The following PLEKHB1 variants were observed in gnomAD, a reference collection of about 807,000 sequenced individuals.
PLEKHB1 encodes the protein pleckstrin homology domain containing B1, also known as pleckstrin homology domain-containing family B member 1.
Under a neutral mutation model 36.2 loss-of-function variants are expected in PLEKHB1, and 29 were observed. The observed-to-expected ratio is 0.80, with a 90% CI of 0.60 to 1.09. PLEKHB1 has a LOEUF of 1.09. Among genes scored for constraint, PLEKHB1 ranks in the 50% least tolerant of loss-of-function variants. PLEKHB1 has a pLI of 0.00. For synonymous variants in PLEKHB1, 138 were observed against 140.0 expected (o/e 0.99, Z 0.10); for missense variants, 330 against 348.2 (o/e 0.95, Z 0.42).
rs1945085572 is a variant in PLEKHB1 at position 73,660,619 on chromosome 11, G to T, written c.496-134G>T. 4 of 778,970 alleles carry T rather than the reference G, an allele frequency of 5.1e-6. No individual in the cohort carries two copies. The Admixed American group carries it at 9.9e-5, about 19-fold the overall frequency. The allele number at this position is 778,970 out of a possible 1,614,324, so 48.3% of individuals were successfully genotyped here. On this transcript the variant is annotated intron_variant, in intron 6 of 7. Coordinates refer to ENST00000354190, the MANE Select transcript of PLEKHB1 (RefSeq NM_021200.3). ...AGGGCCTTTCTCCAAGAGCTTGCTA[G>T]TGGCTGGAGGCCCATTTCTAAACTT...
intron 1 of PLEKHB1, 62 bp from the exon 2 acceptor site, chr11:73,648,950 C>T: frequency 3.2e-6 from 5 of 1,547,056 alleles, no homozygotes; most frequent in Non-Finnish European, 4.4e-6. Context: ...GACGGCAGGG[C>T]TGGGGGCTTC....
chr11:73,652,865 TGA>T, intron 4 of PLEKHB1, 108 bp from the exon 5 acceptor site: 3 of 898,974 alleles, frequency 3.3e-6, no homozygotes, highest in South Asian at 1.7e-5. Context: ...TCTCCTTTCA[TGA>T]GAGACTTGGG....
chr11:73,654,946 T>C (rs1944963531), intron 5 of PLEKHB1, among the ~76,000 whole-genome samples: 1 of 152,084 alleles, frequency 6.6e-6, no homozygotes, highest in South Asian at 2.1e-4. Context: ...GGCTTCCAAG[T>C]GGCGGGTGAA....
chr11:73,658,656 G>T (rs1331634634), intron 6 of PLEKHB1, among the ~76,000 whole-genome samples: 9 of 151,896 alleles, frequency 5.9e-5, no homozygotes, highest in Admixed American at 5.9e-4. Flanking sequence ...TCCCTCTGTT[G>T]CCCAGGCTGG....
intron 5 of PLEKHB1, among the ~76,000 whole-genome samples, chr11:73,654,015 G>A (rs1001520324): frequency 8.3e-6 from 1 of 120,812 alleles, no homozygotes; most frequent in Non-Finnish European, 1.8e-5. Flanking sequence ...ATGAAATTTT[G>A]TTGTAGAAAA....
intron 2 of PLEKHB1, among the ~76,000 whole-genome samples, chr11:73,649,895 C>T (rs1390045284): frequency 5.3e-5 from 8 of 152,332 alleles, no homozygotes; most frequent in African/African-American, 1.9e-4. Context: ...ATAACCATCA[C>T]ACAAGTCAGA....
In PLEKHB1 at chr11:73,660,799, C is replaced by A; in HGVS notation, c.542C>A (p.Pro181His). ...PYQDYYEVVP[P>H]NAHEATYVRS... ...CAAGACTACTACGAGGTGGTGCCCC[C>A]CAATGCACACGAGGCCACGTATGTC... The change falls in exon 7 of 8, where the codon CCC (proline) becomes CAC (histidine). Residue 181 changes from proline (P) to histidine (H), a missense_variant. Transcript: ENST00000354190. The A allele has an allele frequency of 1.2e-6, 2 of 1,602,802 alleles. No homozygotes were observed. The highest frequency in any genetic ancestry group is 8.5e-7 in the Non-Finnish European group (1 of 1,175,790).
rs35147175 is a variant in PLEKHB1, at chr11:73,651,353, C to CAA, written c.248-419_248-418dup. 7.3e-3 allele frequency: 2,620 copies of CAA among 358,580 alleles called. 13 individuals carry two copies. The highest frequency in any genetic ancestry group is 0.027 in the African/African-American group (981 of 36,842). The allele number at this position is 358,580 out of a possible 1,614,324, so 22.2% of individuals were successfully genotyped here. The stretch of plus-strand genomic sequence containing the variant: ...TGGGGGACAGAGCTAGACCCTGTCT[C>CAA]AAAAAAAAAAAAAAAAAGAAAAAGA... On this transcript the variant is annotated intron_variant, in intron 3 of 7. Transcript: ENST00000354190.
chr11:73,648,157 G>A (rs1366626407), intron 1 of PLEKHB1: 1 of 188,956 alleles, frequency 5.3e-6, no homozygotes, highest in African/African-American at 2.4e-5. Flanking sequence ...GATCTTTGAA[G>A]AGTATCAGGG....
In PLEKHB1 at chr11:73,646,592, C is replaced by G; in HGVS notation, c.-17C>G. 1 of 1,551,574 alleles carries G rather than the reference C, an allele frequency of 6.4e-7. No homozygotes were observed. The highest frequency in any genetic ancestry group is 8.7e-7 in the Non-Finnish European group (1 of 1,146,976). ...CGGGAGCCTTCTGGGAAATGCTGCC[C>G]TGGCCACCCAGGAACCATGAGCCCT... On this transcript the variant is annotated 5_prime_UTR_variant, in exon 1 of 8. Transcript: ENST00000354190.
Position 73,651,502 on chromosome 11 carries a change from G to A in PLEKHB1, c.248-286G>A, listed in dbSNP as rs1023464365. On this transcript the variant is annotated intron_variant, in intron 3 of 7. Transcript: ENST00000354190. The stretch of plus-strand genomic sequence containing the variant: ...ATGAAATTAGGAGGCCCAGAGAAGC[G>A]AAGTGGCCCAGAGTCACAGCAAATC... The A allele has an allele frequency of 6.3e-5, 38 of 606,918 alleles. 1 individual carries two copies. The highest frequency in any genetic ancestry group is 1.2e-4 in the South Asian group (8 of 65,890). The allele number at this position is 606,918 out of a possible 1,614,324, so 37.6% of individuals were successfully genotyped here.
At chr11:73,650,422 G>A (rs532743266) in intron 2 of PLEKHB1, 131 bp from the exon 3 acceptor site, 2 of 1,017,212 alleles carry the variant, frequency 2.0e-6, no homozygotes, top group African/African-American at 1.6e-5. Context: ...CCTCATTTCA[G>A]GGGGTAGACA....
chr11:73,655,891 T>G lies in PLEKHB1; in HGVS notation c.479T>G (p.Val160Gly), dbSNP rs780638752. Residue 160 changes from valine to glycine, a missense_variant, in exon 6 of 8, where the codon GTT becomes GGT. Coordinates refer to ENST00000354190, the MANE Select transcript of PLEKHB1 (RefSeq NM_021200.3). ...ACCCGCTCGTGGAGCCCCTGTAAGG[T>G]TGAGAGGCGGATCTGGGTAAGTGCT... ...CVTRSWSPCKVERRIWVRVYS... is the reference protein window; with the variant it reads ...CVTRSWSPCKGERRIWVRVYS... 1 of 1,613,780 alleles carries G rather than the reference T, an allele frequency of 6.2e-7. No homozygotes were observed. Among genetic ancestry groups the G allele is most frequent in the South Asian group, 1.1e-5 (1 of 91,082 alleles).
intron 4 of PLEKHB1, 30 bp from the exon 5 acceptor site, chr11:73,652,945 C>T: frequency 6.3e-7 from 1 of 1,594,442 alleles, no homozygotes. Flanking sequence ...CAAACTCCCT[C>T]CTCATGGTCT....
At chr11:73,648,443 C>T (rs116998574) in intron 1 of PLEKHB1, among the ~76,000 whole-genome samples, 4,698 of 152,276 alleles carry the variant, frequency 0.031, 109 homozygotes, top group Admixed American at 0.042. Flanking sequence ...GGACAGAGTG[C>T]TCGGTCCATC....
chr11:73,655,683 G>A, intron 5 of PLEKHB1, 120 bp from the exon 6 acceptor site: 2 of 785,802 alleles, frequency 2.5e-6, no homozygotes, highest in Middle Eastern at 2.3e-4. Context: ...CCCTGCCACA[G>A]CCCAGCTGGC....
intron 5 of PLEKHB1, 65 bp from the exon 6 acceptor site, chr11:73,655,738 G>A: frequency 2.1e-6 from 3 of 1,409,174 alleles, no homozygotes; most frequent in Non-Finnish European, 2.0e-6. Flanking sequence ...AGTCTCTTTA[G>A]GTGTAGAGGG....
At chr11:73,653,316 A>T in intron 5 of PLEKHB1, 1 of 645,962 alleles carries the variant, frequency 1.5e-6, no homozygotes, top group Middle Eastern at 2.6e-4. Flanking sequence ...GTATCATTCC[A>T]GCTGCTCCTC....
chr11:73,651,285 A>G, intron 3 of PLEKHB1: 2 of 379,072 alleles, frequency 5.3e-6, no homozygotes, highest in South Asian at 1.9e-5. Context: ...TGAGCCTGGG[A>G]GGCAGAGGTT....
Sources: allele counts gnomAD v4.1 joint callset (sites outside exome capture counted in the v4.1 genomes callset), GRCh38; gene constraint gnomAD v4.1.1; transcripts MANE v1.5; gene names NCBI Gene and HGNC (gene_info 2026-07-23, HGNC 2026-07-21).